FOCAD: variants seen among roughly 807,000 people sequenced by gnomAD.
FOCAD encodes focadhesin, also known as KIAA1797.
FOCAD carries 198 observed loss-of-function variants against 225.6 expected under a neutral mutation model. The ratio of observed to expected loss-of-function variants is 0.88; its 90% CI spans 0.78 to 0.99. The LOEUF (loss-of-function observed/expected upper bound fraction) is 0.99. FOCAD is among the 50% of genes least tolerant of loss of function. The probability of loss-of-function intolerance (pLI) is 0.00; values close to 1 mark genes in which losing one functional copy is unlikely to be tolerated. For synonymous variants in FOCAD, 897 were observed against 755.0 expected (o/e 1.19, Z -3.08); for missense variants, 2,713 against 2,123.6 (o/e 1.28, Z -5.46).
chr9:20,713,720 G>C (rs1825066825), intron 1 of FOCAD, among the ~76,000 whole-genome samples: 1 of 152,168 alleles, frequency 6.6e-6, no homozygotes, highest in African/African-American at 2.4e-5. Flanking sequence ...ATGAGTGAAT[G>C]AATTTCAAGA....
intron 10 of FOCAD, among the ~76,000 whole-genome samples, chr9:20,783,506 G>A (rs1819611615): frequency 6.6e-6 from 1 of 151,698 alleles, no homozygotes; most frequent in African/African-American, 2.4e-5. Flanking sequence ...TTTTATGTCA[G>A]CTGCCTGAAC....
chr9:20,745,307 C>A (rs1049112409), intron 5 of FOCAD, among the ~76,000 whole-genome samples: 5 of 152,054 alleles, frequency 3.3e-5, no homozygotes, highest in Admixed American at 2.6e-4. Flanking sequence ...CCAGGCTGGT[C>A]TTGAACTCCT....
intron 21 of FOCAD, among the ~76,000 whole-genome samples, chr9:20,905,787 G>A (rs951963228): frequency 6.6e-6 from 1 of 151,946 alleles, no homozygotes; most frequent in Non-Finnish European, 1.5e-5. Flanking sequence ...AGAGCTGGAG[G>A]ACTCATTCCT....
intron 1 of FOCAD, among the ~76,000 whole-genome samples, chr9:20,709,506 TA>T (rs33977101): frequency 0.33 from 42,347 of 127,888 alleles, 6,848 homozygotes; most frequent in East Asian, 0.46. Context: ...CTCTGTCTCT[TA>T]AAAAAAAAAA....
At chr9:20,698,313 A>G (rs541595622) in intron 1 of FOCAD, among the ~76,000 whole-genome samples, 3 of 152,138 alleles carry the variant, frequency 2.0e-5, no homozygotes, top group Admixed American at 6.6e-5. Context: ...TTTTAATTCT[A>G]TATTTCTCTC....
intron 35 of FOCAD, among the ~76,000 whole-genome samples, chr9:20,960,812 CA>C (rs911026377): frequency 6.9e-6 from 1 of 145,160 alleles, no homozygotes; most frequent in Admixed American, 7.1e-5. Context: ...TCTCATTATT[CA>C]ATTCCCACCT....
chr9:20,870,555 C>T (rs950696005), intron 18 of FOCAD, among the ~76,000 whole-genome samples: 6 of 152,154 alleles, frequency 3.9e-5, no homozygotes, highest in South Asian at 2.1e-4. Context: ...AATGGTACTT[C>T]GAATTTTGAA....
At chr9:20,897,425 G>A (rs1160972921) in intron 21 of FOCAD, among the ~76,000 whole-genome samples, 1 of 146,980 alleles carries the variant, frequency 6.8e-6, no homozygotes, top group African/African-American at 2.5e-5. Flanking sequence ...TTTTTTTTCT[G>A]TTTGTTGCTC....
Position 20,694,742 on chromosome 9 carries a change from C to G in FOCAD, c.-33+10449C>G, listed in dbSNP as rs151193823. On this transcript the variant is annotated intron_variant, in intron 1 of 43. Coordinates refer to ENST00000338382, the MANE Select transcript of FOCAD (RefSeq NM_001375567.1). ...TTGTCAATCTTGTTTTTCTCTCTAA[C>G]ATTTTTTCTTCCCTAGTAATTGTCT... is the stretch of plus-strand genomic sequence containing the variant. 3.8e-4 allele frequency among the ~76,000 whole-genome samples: 58 copies of G among 152,264 alleles called. No homozygotes were observed. The East Asian group carries it at 0.01, about 26-fold the overall frequency.
At chr9:20,934,567 T>G (rs577342580) in intron 28 of FOCAD, among the ~76,000 whole-genome samples, 1 of 152,280 alleles carries the variant, frequency 6.6e-6, no homozygotes, top group African/African-American at 2.4e-5. Context: ...TGGGTTTATT[T>G]CTGGGTTATC....
chr9:20,770,244 G>A lies in FOCAD; in HGVS notation c.906+6G>A, dbSNP rs1818063179. 1 of 1,610,528 alleles carries A rather than the reference G, an allele frequency of 6.2e-7. No individual in the cohort carries two copies. Among genetic ancestry groups the A allele is most frequent in the South Asian group, 1.1e-5 (1 of 90,966 alleles). On this transcript the variant is annotated splice_donor_region_variant and intron_variant, in intron 8 of 43. Coordinates refer to ENST00000338382, the MANE Select transcript of FOCAD (RefSeq NM_001375567.1). ...GTGTTGAACTTCTGAAGGAGGTAAG[G>A]ATAGTAGTATATTATACTGTTCATG... is the stretch of plus-strand genomic sequence containing the variant.
At chr9:20,814,566 A>T (rs2131372429) in intron 11 of FOCAD, among the ~76,000 whole-genome samples, 1 of 152,128 alleles carries the variant, frequency 6.6e-6, no homozygotes, top group East Asian at 1.9e-4. Context: ...TATGTTGACC[A>T]GGCTGGTCTT....
intron 36 of FOCAD, 94 bp downstream of exon 36, chr9:20,976,642 G>A: frequency 7.6e-7 from 1 of 1,321,000 alleles, no homozygotes; most frequent in Non-Finnish European, 1.1e-6. Flanking sequence ...GTAGTGACTG[G>A]ATAGACTTTT....
At chr9:20,883,522 C>A (rs1299160213) in intron 20 of FOCAD, among the ~76,000 whole-genome samples, 1 of 152,110 alleles carries the variant, frequency 6.6e-6, no homozygotes, top group African/African-American at 2.4e-5. Context: ...CAATAAATTT[C>A]AAGATATTGA....
At chr9:20,896,868 C>G (rs2131948513) in intron 21 of FOCAD, 1 of 151,872 alleles carries the variant, frequency 6.6e-6, no homozygotes, top group East Asian at 1.9e-4. Context: ...TTGTGTTCTG[C>G]TGCCGTTGCA....
At chr9:20,816,692 A>G (rs1823760567) in intron 11 of FOCAD, among the ~76,000 whole-genome samples, 1 of 152,176 alleles carries the variant, frequency 6.6e-6, no homozygotes, top group Non-Finnish European at 1.5e-5. Flanking sequence ...TTCTAAGAAT[A>G]GAACAGATAG....
chr9:20,972,219 C>G (rs1839829257), intron 35 of FOCAD, among the ~76,000 whole-genome samples: 1 of 152,046 alleles, frequency 6.6e-6, no homozygotes, highest in South Asian at 2.1e-4. Flanking sequence ...ATATAGTGGT[C>G]ACATCATTTT....
chr9:20,925,076 A>G (rs1834814022), intron 25 of FOCAD, among the ~76,000 whole-genome samples: 3 of 152,208 alleles, frequency 2.0e-5, no homozygotes, highest in Non-Finnish European at 4.4e-5. Flanking sequence ...TATTACATGT[A>G]GGGAAGGGAA....
chr9:20,977,145 A>G (rs554800379), intron 36 of FOCAD, among the ~76,000 whole-genome samples: 1 of 152,264 alleles, frequency 6.6e-6, no homozygotes, highest in Admixed American at 6.5e-5. Flanking sequence ...AAGGCAAGCA[A>G]TAGAGGGCTA....
Sources: gnomAD v4.1 joint callset for allele counts (sites outside exome capture counted in the v4.1 genomes callset) on GRCh38, gnomAD v4.1.1 for gene constraint, MANE v1.5 for transcripts, NCBI Gene and HGNC (gene_info 2026-07-23, HGNC 2026-07-21) for gene names.